LNPEP: variants seen among roughly 807,000 people sequenced by gnomAD.
LNPEP encodes the protein leucyl and cystinyl aminopeptidase.
LNPEP carries 64 observed loss-of-function variants against 120.6 expected under a neutral mutation model. The observed-to-expected ratio is 0.53, with a 90% CI of 0.43 to 0.65. The LOEUF (loss-of-function observed/expected upper bound fraction) is 0.65, where lower values mean the gene tolerates loss of function less well. Ranked by LOEUF, LNPEP falls within the 30% of genes least tolerant of loss-of-function variation. The probability of loss-of-function intolerance (pLI) is 0.00; values close to 1 mark genes in which losing one functional copy is unlikely to be tolerated. For missense variants in LNPEP, 1,057 were observed against 1,200.0 expected (o/e 0.88, Z 1.76); for synonymous variants, 435 against 425.4 (o/e 1.02, Z -0.28).
Position 97,015,071 on chromosome 5 carries a change from C to T in LNPEP, c.2352C>T (p.Tyr784=). The T allele has an allele frequency of 6.3e-7, 1 of 1,589,846 alleles. No homozygotes were observed. The highest frequency in any genetic ancestry group is 1.3e-5 in the African/African-American group (1 of 74,260). Residue 784 remains tyrosine, a synonymous_variant, in exon 13 of 18, where the codon TAC becomes TAT. Coordinates refer to ENST00000231368, the MANE Select transcript of LNPEP (RefSeq NM_005575.3). ...ATAACCTCCTTGAAAAACTGGGATA[C>T]ATGGATCTGGCCTCAAGACTGGTGG... ...LIYNLLEKLG[Y]MDLASRLVTR...
At chr5:96,954,766 A>ATT (rs1561430227) in intron 1 of LNPEP, among the ~76,000 whole-genome samples, 1 of 40,956 alleles carries the variant, frequency 2.4e-5, no homozygotes, top group Admixed American at 3.4e-4. Context: ...ATATATATAT[A>ATT]TATATATTTT....
At chr5:96,940,179 C>T (rs1039877271) in intron 1 of LNPEP, among the ~76,000 whole-genome samples, 1 of 152,058 alleles carries the variant, frequency 6.6e-6, no homozygotes, top group South Asian at 2.1e-4. Flanking sequence ...TAGAAAAGTT[C>T]TTTGCTATTA....
intron 4 of LNPEP, among the ~76,000 whole-genome samples, chr5:96,987,859 A>C (rs771330959): frequency 2.6e-5 from 4 of 152,206 alleles, no homozygotes; most frequent in Non-Finnish European, 5.9e-5. Context: ...CTACATATTT[A>C]GCCTTTGATT....
chr5:97,003,923 T>C (rs1790716439), intron 9 of LNPEP, among the ~76,000 whole-genome samples: 1 of 152,172 alleles, frequency 6.6e-6, no homozygotes, highest in African/African-American at 2.4e-5. Flanking sequence ...CCTTTTAGTT[T>C]TTCTGCCTCT....
At chr5:97,004,950 C>T (rs1790743610) in intron 9 of LNPEP, among the ~76,000 whole-genome samples, 1 of 152,118 alleles carries the variant, frequency 6.6e-6, no homozygotes. Context: ...TGGTGTTTTT[C>T]CATCCCAAAC....
Position 96,979,454 on chromosome 5 carries a change from G to A in LNPEP, c.336G>A (p.Val112=), listed in dbSNP as rs372017910. The change falls in exon 2 of 18, where the codon GTG becomes GTA. Residue 112 remains valine, a synonymous_variant. Coordinates refer to ENST00000231368, the MANE Select transcript of LNPEP (RefSeq NM_005575.3). ...ACSVPSARTM[V]VCAFVIVVAV... ...CAGTACCCTCTGCAAGGACCATGGT[G>A]GTCTGTGCTTTTGTCATCGTGGTTG... is the stretch of plus-strand genomic sequence containing the variant. 16 of 1,613,930 alleles carry A rather than the reference G, an allele frequency of 9.9e-6. No individual in the cohort carries two copies. In the African/African-American group the frequency reaches 1.2e-4, roughly 12 times the overall value.
At chr5:96,962,691 A>G (rs1789634117) in intron 1 of LNPEP, 1 of 150,310 alleles carries the variant, frequency 6.7e-6, no homozygotes, top group African/African-American at 2.5e-5. Context: ...AGGGTGGAGA[A>G]GGAACAAATA....
At chr5:96,944,234 C>G (rs1349293800) in intron 1 of LNPEP, among the ~76,000 whole-genome samples, 1 of 152,152 alleles carries the variant, frequency 6.6e-6, no homozygotes. Context: ...ATCAATGAAA[C>G]ATCATTACAT....
chr5:96,945,065 A>G (rs1163943030), intron 1 of LNPEP, among the ~76,000 whole-genome samples: 1 of 152,020 alleles, frequency 6.6e-6, no homozygotes, highest in Non-Finnish European at 1.5e-5. Context: ...ATCAGAACGT[A>G]AAATGTGCCA....
chr5:97,018,694 T>C (rs542162307), intron 13 of LNPEP, among the ~76,000 whole-genome samples: 2 of 152,302 alleles, frequency 1.3e-5, no homozygotes, highest in African/African-American at 4.8e-5. Flanking sequence ...ATAGGAGACA[T>C]TTATGAATCC....
chr5:96,937,016 G>GAGAT (rs1395827921), intron 1 of LNPEP: 1 of 152,216 alleles, frequency 6.6e-6, no homozygotes, highest in Non-Finnish European at 1.5e-5. Context: ...ATATAGGGGT[G>GAGAT]AGATGTCTTA....
At chr5:96,981,995 A>G (rs1310231788) in intron 2 of LNPEP, among the ~76,000 whole-genome samples, 1 of 152,118 alleles carries the variant, frequency 6.6e-6, no homozygotes, top group Non-Finnish European at 1.5e-5. Flanking sequence ...AATAGCCAGT[A>G]TTCACCTGGA....
intron 1 of LNPEP, among the ~76,000 whole-genome samples, chr5:96,956,614 G>A (rs74568289): frequency 0.038 from 5,719 of 152,270 alleles, 185 homozygotes; most frequent in Middle Eastern, 0.11. Flanking sequence ...TTGGTTTGCA[G>A]CATTTTGTGT....
intron 1 of LNPEP, among the ~76,000 whole-genome samples, chr5:96,971,193 A>G (rs1789850243): frequency 1.3e-5 from 2 of 151,942 alleles, no homozygotes; most frequent in South Asian, 4.2e-4. Flanking sequence ...AAAATGCTCT[A>G]TCATCTTCAG....
rs569652793 is a variant in LNPEP at position 97,000,633 on chromosome 5, G to A, written c.1653+2488G>A. ...TGGTAGATGGCATTTCACACATGCTGTCACAACTTTCTGGAGGAATTAAGT... is the reference window on the plus strand; with the variant it reads ...TGGTAGATGGCATTTCACACATGCTATCACAACTTTCTGGAGGAATTAAGT... On this transcript the variant is annotated intron_variant, in intron 8 of 17. Transcript: ENST00000231368. Among the ~76,000 whole-genome samples the A allele has an allele frequency of 2.0e-5, 3 of 152,304 alleles. No homozygotes were observed. The South Asian group carries it at 6.2e-4, about 32-fold the overall frequency.
rs138049850 is a variant in LNPEP at position 96,993,026 on chromosome 5, T to A, written c.1143T>A (p.Tyr381Ter). The change falls in exon 5 of 18, where the codon TAT (tyrosine) becomes TAA (stop). Residue 381 changes from tyrosine to a stop codon, truncating the protein, a stop_gained. Transcript: ENST00000231368. LOFTEE classifies it high-confidence loss of function. ...QDVNGTLVSI[Y>*]AVPEKIGQVH... ...ATGTTTTCCTTTAGGTTTCTATATA[T>A]GCTGTACCAGAAAAGATTGGTCAAG... 1 of 1,592,354 alleles carries A rather than the reference T, an allele frequency of 6.3e-7. No homozygotes were observed. The highest frequency in any genetic ancestry group is 8.6e-7 in the Non-Finnish European group (1 of 1,168,366).
intron 8 of LNPEP, 44 bp from the exon 9 acceptor site, chr5:97,003,371 A>C: frequency 1.1e-4 from 115 of 1,081,378 alleles, no homozygotes; most frequent in Non-Finnish European, 1.4e-4. Flanking sequence ...AATCTATAGT[A>C]TTCTATTATT....
chr5:97,010,562 G>C (rs1471970898), intron 11 of LNPEP: 2 of 985,000 alleles, frequency 2.0e-6, no homozygotes, highest in African/African-American at 1.7e-5. Flanking sequence ...TTGTAACTTT[G>C]TAGTAAAAAC....
chr5:96,967,290 T>C (rs1789751759), intron 1 of LNPEP, among the ~76,000 whole-genome samples: 1 of 151,952 alleles, frequency 6.6e-6, no homozygotes, highest in South Asian at 2.1e-4. Flanking sequence ...CAGCTACAAT[T>C]TGTAGCCTGG....
Sources: gnomAD v4.1 joint callset for allele counts (sites outside exome capture counted in the v4.1 genomes callset) on GRCh38, gnomAD v4.1.1 for gene constraint, MANE v1.5 for transcripts, NCBI Gene and HGNC (gene_info 2026-07-23, HGNC 2026-07-21) for gene names.